Variants in SLC39A11 observed in about 807,000 individuals in gnomAD.
SLC39A11 encodes solute carrier family 39 member 11, also known as zinc transporter ZIP11.
Under a neutral mutation model 36.1 loss-of-function variants are expected in SLC39A11, and 33 were observed. The ratio of observed to expected loss-of-function variants is 0.91; its 90% confidence interval spans 0.69 to 1.22. The LOEUF (loss-of-function observed/expected upper bound fraction) is 1.22. SLC39A11 is among the 50% of genes most tolerant of loss of function. The pLI is 0.00. For synonymous variants in SLC39A11, 166 were observed against 170.3 expected, an observed-to-expected ratio of 0.97 and a Z score of 0.20; for missense variants, 432 against 430.3, an observed-to-expected ratio of 1.00 and a Z score of -0.03.
chr17:73,006,068 G>A (rs1031802296), intron 4 of SLC39A11, among the ~76,000 whole-genome samples: 4 of 152,090 alleles, frequency 2.6e-5, no homozygotes, highest in African/African-American at 9.7e-5. Context: ...CACACTCCAT[G>A]ACTGTGAGTC....
chr17:72,902,593 G>A (rs995543148), intron 5 of SLC39A11, among the ~76,000 whole-genome samples: 24 of 152,194 alleles, frequency 1.6e-4, no homozygotes, highest in Non-Finnish European at 1.8e-4. Context: ...GTTGCTAAGC[G>A]AAGAATAAAT....
intron 4 of SLC39A11, among the ~76,000 whole-genome samples, chr17:72,994,937 T>G (rs776319817): frequency 6.6e-6 from 1 of 152,222 alleles, no homozygotes; most frequent in African/African-American, 2.4e-5. Context: ...AGTTTCCACC[T>G]GGATACAGAG....
intron 7 of SLC39A11, among the ~76,000 whole-genome samples, chr17:72,701,767 G>A: frequency 9.4e-6 from 1 of 106,506 alleles, no homozygotes; most frequent in African/African-American, 3.4e-5. Context: ...AAGAAAGAAA[G>A]AGAAAGAAAA....
chr17:72,972,511 C>G (rs1018358461), intron 4 of SLC39A11, among the ~76,000 whole-genome samples: 1 of 152,158 alleles, frequency 6.6e-6, no homozygotes, highest in Non-Finnish European at 1.5e-5. Context: ...GCAAACACAG[C>G]GAGCTCTTTA....
rs138957308 is a variant in SLC39A11 at position 73,021,616 on chromosome 17, C to T, written c.306+9940G>A. 8.3e-3 allele frequency among the ~76,000 whole-genome samples: 1,264 copies of T among 152,146 alleles called. 14 individuals carry two copies. Among genetic ancestry groups the T allele is most frequent in the African/African-American group, 0.029 (1,208 of 41,498 alleles). The stretch of plus-strand genomic sequence containing the variant: ...TGCTGGGATTACCAACGTGAGCCAC[C>T]GCTCCCAGCCTCTTTCCCCTTCCAT... On this transcript the variant is annotated intron_variant, in intron 4 of 9. Transcript: ENST00000255559.
chr17:72,957,056 C>G (rs991434475), intron 4 of SLC39A11, among the ~76,000 whole-genome samples: 2 of 152,080 alleles, frequency 1.3e-5, no homozygotes, highest in African/African-American at 4.8e-5. Flanking sequence ...GACTGGAAAA[C>G]ACTGATTCTT....
chr17:72,778,906 T>C (rs535357692), intron 6 of SLC39A11, among the ~76,000 whole-genome samples: 1 of 152,366 alleles, frequency 6.6e-6, no homozygotes, highest in East Asian at 1.9e-4. Flanking sequence ...TAAGGAGTTC[T>C]TTTATGGATC....
At chr17:72,745,800 G>A (rs940274642) in intron 6 of SLC39A11, among the ~76,000 whole-genome samples, 4 of 152,168 alleles carry the variant, frequency 2.6e-5, no homozygotes, top group Admixed American at 6.6e-5. Flanking sequence ...AAGCGGTGAT[G>A]CTACGACTTT....
chr17:72,776,292 G>A (rs2076128023), intron 6 of SLC39A11, among the ~76,000 whole-genome samples: 1 of 152,156 alleles, frequency 6.6e-6, no homozygotes, highest in South Asian at 2.1e-4. Context: ...GGATCATGCA[G>A]GGCAAGCACT....
intron 7 of SLC39A11, among the ~76,000 whole-genome samples, chr17:72,676,070 T>TCACACACACA (rs3222866): frequency 0.011 from 1,416 of 129,968 alleles, 24 homozygotes; most frequent in African/African-American, 0.037. Context: ...TCACAATGTT[T>TCACACACACA]CACACACACA....
chr17:73,092,350 G>GTCA (rs997106225), intron 1 of SLC39A11: 4 of 152,270 alleles, frequency 2.6e-5, no homozygotes, highest in Non-Finnish European at 5.9e-5. Context: ...AGGAAGGCAT[G>GTCA]TCATTGCCTT....
chr17:72,989,455 C>G (rs2089010102), intron 4 of SLC39A11, among the ~76,000 whole-genome samples: 1 of 152,214 alleles, frequency 6.6e-6, no homozygotes. Flanking sequence ...TCCATTACGT[C>G]AAATCATTTT....
intron 5 of SLC39A11, among the ~76,000 whole-genome samples, chr17:72,872,872 T>C (rs1375802553): frequency 3.3e-5 from 5 of 151,972 alleles, no homozygotes; most frequent in Non-Finnish European, 7.4e-5. Context: ...CTGGCTAACA[T>C]GGCGAAACCC....
intron 4 of SLC39A11, 140 bp from the exon 5 acceptor site, chr17:72,948,015 T>C (rs1232886750): frequency 3.3e-5 from 34 of 1,034,236 alleles, no homozygotes; most frequent in Middle Eastern, 2.7e-4. Context: ...GCCAACCCAG[T>C]TGCCAGGCCA....
rs911014199 is a variant in SLC39A11, at chr17:72,816,190, C to A, written c.601+33444G>T. Among the ~76,000 whole-genome samples the A allele has an allele frequency of 3.9e-5, 6 of 152,162 alleles. No individual in the cohort carries two copies. The East Asian group carries it at 7.7e-4, about 20-fold the overall frequency. ...AGGTGGTTGCCCAGTTGTAGAGTGTCCTTTCAGCTCCATGACTATATTCTT... is the reference window on the plus strand; with the variant it reads ...AGGTGGTTGCCCAGTTGTAGAGTGTACTTTCAGCTCCATGACTATATTCTT... On this transcript the variant is annotated intron_variant, in intron 6 of 9. Coordinates refer to ENST00000255559, the MANE Select transcript of SLC39A11 (RefSeq NM_139177.4).
intron 7 of SLC39A11, among the ~76,000 whole-genome samples, chr17:72,684,715 C>A (rs1598338259): frequency 6.6e-6 from 1 of 152,350 alleles, no homozygotes; most frequent in East Asian, 1.9e-4. Flanking sequence ...TGGTCCCTGA[C>A]TGAGGCTCAC....
chr17:72,941,571 T>TA lies in SLC39A11; in HGVS notation c.430+6180dup, dbSNP rs397730814. 5.3e-3 allele frequency among the ~76,000 whole-genome samples: 710 copies of TA among 133,508 alleles called. 2 individuals carry two copies. Among genetic ancestry groups the TA allele is most frequent in the Admixed American group, 0.01 (135 of 13,162 alleles). The allele number at this position is 133,508 out of a possible 152,430, so 87.6% of individuals were successfully genotyped here. ...TCAGGACTGTGTTTTTTTTTTTTTT[T>TA]AAAAGGCAGAAGCAGATAAAGTGCT... On this transcript the variant is annotated intron_variant, in intron 5 of 9. Transcript: ENST00000255559.
intron 3 of SLC39A11, among the ~76,000 whole-genome samples, chr17:73,035,690 C>T (rs1317211054): frequency 6.6e-6 from 1 of 151,412 alleles, no homozygotes; most frequent in Non-Finnish European, 1.5e-5. Context: ...ATGGTGAAAT[C>T]CTGTCTCTAC....
At chr17:72,790,735 G>T (rs376234240) in intron 6 of SLC39A11, among the ~76,000 whole-genome samples, 2 of 152,136 alleles carry the variant, frequency 1.3e-5, no homozygotes, top group East Asian at 3.9e-4. Context: ...GTCTCACCAC[G>T]TTGGCCAGGC....
Sources: gnomAD v4.1 joint callset for allele counts (sites outside exome capture counted in the v4.1 genomes callset) on GRCh38, gnomAD v4.1.1 for gene constraint, MANE v1.5 for transcripts, NCBI Gene and HGNC (gene_info 2026-07-23, HGNC 2026-07-21) for gene names.